The following GOLGA5 variants were observed in gnomAD, a reference collection of about 807,000 sequenced individuals.
GOLGA5 encodes the protein golgin A5, also known as golgin subfamily A member 5.
A neutral mutation model predicts 93.5 loss-of-function variants in GOLGA5; 50 were observed. That is an observed-to-expected ratio of 0.53 (90% CI 0.43 to 0.68). GOLGA5 has a LOEUF of 0.68. GOLGA5 is among the 30% of genes least tolerant of loss of function. The pLI is 0.00. For missense variants in GOLGA5, 760 were observed against 856.4 expected, an observed-to-expected ratio of 0.89 and a Z score of 1.40; for synonymous variants, 312 against 304.5, an observed-to-expected ratio of 1.02 and a Z score of -0.26.
intron 8 of GOLGA5, among the ~76,000 whole-genome samples, chr14:92,823,615 C>T (rs1235318804): frequency 1.3e-5 from 2 of 151,760 alleles, no homozygotes; most frequent in African/African-American, 4.8e-5. Flanking sequence ...AGGTCTCACT[C>T]TGTTGCTCAG....
chr14:92,837,803 A>T (rs1439792698), intron 12 of GOLGA5, among the ~76,000 whole-genome samples: 1 of 152,094 alleles, frequency 6.6e-6, no homozygotes, highest in Admixed American at 6.6e-5. Flanking sequence ...GGCTCGAGTG[A>T]TCCTCCCACC....
At chr14:92,814,820 C>T (rs1885170491) in intron 6 of GOLGA5, among the ~76,000 whole-genome samples, 1 of 152,098 alleles carries the variant, frequency 6.6e-6, no homozygotes, top group Non-Finnish European at 1.5e-5. Flanking sequence ...CTTCTTCAAA[C>T]TCATCTTTTA....
intron 10 of GOLGA5, among the ~76,000 whole-genome samples, chr14:92,834,518 A>G (rs1027154841): frequency 7.9e-5 from 12 of 152,226 alleles, no homozygotes; most frequent in African/African-American, 2.9e-4. Flanking sequence ...GAGGCATAGA[A>G]AAAAAGTGTT....
chr14:92,806,990 G>A, intron 3 of GOLGA5, 27 bp downstream of exon 3: 1 of 1,417,578 alleles, frequency 7.1e-7, no homozygotes, highest in Non-Finnish European at 1.0e-6. Flanking sequence ...TTCAGGATTA[G>A]GAATTTAACT....
chr14:92,836,099 T>A (rs554523671), intron 11 of GOLGA5, among the ~76,000 whole-genome samples: 2 of 152,152 alleles, frequency 1.3e-5, no homozygotes, highest in South Asian at 4.1e-4. Flanking sequence ...TGAACAGCAC[T>A]CATTGTATTA....
Position 92,809,414 on chromosome 14 carries a change from C to T in GOLGA5, c.887C>T (p.Ala296Val). 6.2e-7 allele frequency: 1 copy of T among 1,613,646 alleles called. No individual in the cohort carries two copies. Among genetic ancestry groups the T allele is most frequent in the Non-Finnish European group, 8.5e-7 (1 of 1,179,672 alleles). The part of the protein sequence containing the change: ...QVDDLTEAVA[A>V]KDSQLAVLKV... ...GATGACCTGACTGAAGCTGTGGCTGCAAAGGATTCCCAGCTGGCTGTACTG... is the reference window on the plus strand; with the variant it reads ...GATGACCTGACTGAAGCTGTGGCTGTAAAGGATTCCCAGCTGGCTGTACTG... The change falls in exon 4 of 13, where the codon GCA (alanine) becomes GTA (valine). Residue 296 changes from alanine (A) to valine (V), a missense_variant. Transcript: ENST00000163416.
chr14:92,824,796 T>C, intron 9 of GOLGA5, 152 bp downstream of exon 9: 1 of 587,648 alleles, frequency 1.7e-6, no homozygotes, highest in Middle Eastern at 4.6e-4. Context: ...TATAGAAAAT[T>C]CATCTAATGC....
At chr14:92,806,207 TGTC>T (rs1365085956) in intron 2 of GOLGA5, among the ~76,000 whole-genome samples, 2 of 152,226 alleles carry the variant, frequency 1.3e-5, no homozygotes, top group African/African-American at 4.8e-5. Context: ...TACTGTCTGT[TGTC>T]ATTCATTCAG....
chr14:92,798,857 A>G (rs1317202077), intron 2 of GOLGA5, among the ~76,000 whole-genome samples: 6 of 152,238 alleles, frequency 3.9e-5, no homozygotes. Flanking sequence ...TCGAGGTTGC[A>G]GTGAGCCGAG....
rs1342203360 is a variant in GOLGA5, at chr14:92,809,453, A to C, written c.926A>C (p.Gln309Pro). ...SQLAVLKVRL[Q>P]EADQLLSTRT... is the part of the protein sequence containing the mutation. ...CTGGCTGTACTGAAAGTGAGACTCC[A>C]GGAAGCTGACCAGCTACTGAGTACT... Residue 309 changes from glutamine to proline, a missense_variant, in exon 4 of 13, where the codon CAG (glutamine) becomes CCG (proline). Coordinates refer to ENST00000163416, the MANE Select transcript of GOLGA5 (RefSeq NM_005113.4). 1.2e-6 allele frequency: 2 copies of C among 1,614,026 alleles called. No homozygotes were observed. Among genetic ancestry groups the C allele is most frequent in the Non-Finnish European group, 1.7e-6 (2 of 1,179,992 alleles).
At position 92,799,222 on chromosome 14, in the gene GOLGA5, C is replaced by T. The variant is rs187053726; in HGVS notation, c.544+1241C>T. 2.0e-4 allele frequency among the ~76,000 whole-genome samples: 31 copies of T among 152,010 alleles called. No individual in the cohort carries two copies. In the East Asian group the frequency reaches 6.0e-3, roughly 29 times the overall value. On this transcript the variant is annotated intron_variant, in intron 2 of 12. Coordinates refer to ENST00000163416, the MANE Select transcript of GOLGA5 (RefSeq NM_005113.4). Reference sequence around the variant, plus strand: ...TCAAGTGATCCTCCTACTTTGACCTCCCACAGCATTGGGATTATGGGCATG... The same window carrying T: ...TCAAGTGATCCTCCTACTTTGACCTTCCACAGCATTGGGATTATGGGCATG...
Position 92,809,407 on chromosome 14 carries a change from G to A in GOLGA5, c.880G>A (p.Val294Met), listed in dbSNP as rs781418053. ...CCAAGTAGATGACCTGACTGAAGCT[G>A]TGGCTGCAAAGGATTCCCAGCTGGC... ...RAQVDDLTEA[V>M]AAKDSQLAVL... Residue 294 changes from valine (V) to methionine (M), a missense_variant, in exon 4 of 13, where the codon GTG (valine) becomes ATG (methionine). Transcript: ENST00000163416. 43 of 1,613,770 alleles carry A rather than the reference G, an allele frequency of 2.7e-5. No homozygotes were observed. In the South Asian group the frequency reaches 4.5e-4, roughly 17 times the overall value.
At chr14:92,834,994 GAAGTC>G (rs1885610464) in intron 10 of GOLGA5, among the ~76,000 whole-genome samples, 1 of 152,180 alleles carries the variant, frequency 6.6e-6, no homozygotes, top group Admixed American at 6.5e-5. Flanking sequence ...TTGAGAGAAA[GAAGTC>G]AAGAGTTTTG....
chr14:92,818,244 T>C (rs1037929866), intron 7 of GOLGA5, among the ~76,000 whole-genome samples: 1 of 152,218 alleles, frequency 6.6e-6, no homozygotes, highest in African/African-American at 2.4e-5. Context: ...GAAAGAATTG[T>C]AAATAATTAC....
In GOLGA5 at chr14:92,813,524, AG is replaced by A. The variant is rs1461827409; in HGVS notation, c.1320+1775del. Among the ~76,000 whole-genome samples, 7 of 152,188 alleles carry A rather than the reference AG, an allele frequency of 4.6e-5. No individual in the cohort carries two copies. In the South Asian group the frequency reaches 1.5e-3, roughly 32 times the overall value. On this transcript the variant is annotated intron_variant, in intron 6 of 12. Transcript: ENST00000163416. ...CGAGAGAACAACCTGTGCCAGAGCA[AG>A]GGGGCCAGAGAGAACATGGCATATT... is the stretch of plus-strand genomic sequence containing the variant.
chr14:92,833,342 G>T lies in GOLGA5; in HGVS notation c.1940G>T (p.Gly647Val), dbSNP rs905442494. Residue 647 changes from glycine to valine, a missense_variant, in exon 10 of 13, where the codon GGT (glycine) becomes GTT (valine). Physicochemically the swap from Gly to Val is moderately radical, Grantham distance 109. Coordinates refer to ENST00000163416, the MANE Select transcript of GOLGA5 (RefSeq NM_005113.4). ...SSINMSGIDNGEGTRLRNVPV... is the reference protein window; with the variant it reads ...SSINMSGIDNVEGTRLRNVPV... ...ATTAATATGTCTGGAATTGACAATG[G>T]TGAAGGTAATCAAAAAAGGAATCTC... 1.3e-6 allele frequency: 2 copies of T among 1,577,540 alleles called. No homozygotes were observed. Among genetic ancestry groups the T allele is most frequent in the Non-Finnish European group, 1.7e-6 (2 of 1,146,864 alleles).
At chr14:92,815,658 A>C (rs965213979) in intron 6 of GOLGA5, among the ~76,000 whole-genome samples, 2 of 151,498 alleles carry the variant, frequency 1.3e-5, no homozygotes, top group Admixed American at 6.6e-5. Context: ...GCAACATAGC[A>C]AGACCGTATC....
intron 5 of GOLGA5, 34 bp downstream of exon 5, chr14:92,810,411 C>T (rs759994696): frequency 2.2e-5 from 32 of 1,482,960 alleles, no homozygotes; most frequent in Non-Finnish European, 2.6e-5. Flanking sequence ...CCTATTGTTA[C>T]TTGGACACGG....
intron 9 of GOLGA5, among the ~76,000 whole-genome samples, chr14:92,829,060 G>A (rs1885476078): frequency 1.3e-5 from 2 of 152,184 alleles, no homozygotes; most frequent in South Asian, 4.1e-4. Context: ...CACCTCCTGG[G>A]CTCAAGTGAT....
Sources: allele counts gnomAD v4.1 joint callset (sites outside exome capture counted in the v4.1 genomes callset), GRCh38; gene constraint gnomAD v4.1.1; transcripts MANE v1.5; gene names NCBI Gene and HGNC (gene_info 2026-07-23, HGNC 2026-07-21).